The following RBFOX1 variants were observed in gnomAD, a reference collection of about 807,000 sequenced individuals.
RBFOX1 encodes RNA binding fox-1 homolog 1.
Under a neutral mutation model 57.7 loss-of-function variants are expected in RBFOX1, and 8 were observed. The observed-to-expected ratio is 0.14, with a 90% CI of 0.08 to 0.25. RBFOX1 has a LOEUF of 0.25. Ranked by LOEUF, RBFOX1 falls within the 10% of genes least tolerant of loss-of-function variation. RBFOX1 has a pLI of 1.00. For synonymous variants in RBFOX1, 326 were observed against 222.4 expected (o/e 1.47, Z -4.15); for missense variants, 611 against 548.5 (o/e 1.11, Z -1.14).
At chr16:5,500,834 C>A (rs965270387) in intron 2 of RBFOX1, among the ~76,000 whole-genome samples, 1 of 152,180 alleles carries the variant, frequency 6.6e-6, no homozygotes, top group Non-Finnish European at 1.5e-5. Flanking sequence ...CCTATACTTA[C>A]GAATTGCCTT....
intron 2 of RBFOX1, among the ~76,000 whole-genome samples, chr16:5,594,745 C>G (rs547053557): frequency 3.3e-5 from 5 of 152,240 alleles, no homozygotes; most frequent in Admixed American, 1.3e-4. Context: ...TGGCCCTAAA[C>G]AGTTCCTAGC....
intron 4 of RBFOX1, among the ~76,000 whole-genome samples, chr16:7,386,111 G>A (rs1018777003): frequency 1.3e-5 from 2 of 151,804 alleles, no homozygotes; most frequent in Admixed American, 6.6e-5. Flanking sequence ...TTTGCCACAC[G>A]CTAAACAAGG....
At chr16:7,617,472 G>A (rs1555675988) in intron 10 of RBFOX1, among the ~76,000 whole-genome samples, 1 of 152,096 alleles carries the variant, frequency 6.6e-6, no homozygotes, top group Non-Finnish European at 1.5e-5. Flanking sequence ...GAAGAGCTCA[G>A]CGGTAATAAA....
intron 2 of RBFOX1, among the ~76,000 whole-genome samples, chr16:6,557,596 C>G (rs994944902): frequency 1.3e-5 from 2 of 152,128 alleles, no homozygotes; most frequent in African/African-American, 4.8e-5. Context: ...TTGCCGAAGT[C>G]CTGTTGAAAG....
intron 1 of RBFOX1, among the ~76,000 whole-genome samples, chr16:5,361,413 G>A (rs539064): frequency 3.9e-5 from 6 of 152,088 alleles, no homozygotes; most frequent in South Asian, 2.1e-4. Context: ...GAAGGATAAA[G>A]CTTTGTTTTT....
intron 2 of RBFOX1, among the ~76,000 whole-genome samples, chr16:6,555,071 T>C (rs954536187): frequency 1.3e-5 from 2 of 152,314 alleles, no homozygotes; most frequent in African/African-American, 4.8e-5. Flanking sequence ...AGAAAAATTC[T>C]TGCACATGGA....
intron 2 of RBFOX1, among the ~76,000 whole-genome samples, chr16:6,503,157 T>C (rs752790696): frequency 1.3e-5 from 2 of 152,216 alleles, no homozygotes; most frequent in African/African-American, 2.4e-5. Context: ...GGTAGGAGCA[T>C]ACTACCAATT....
At chr16:7,439,543 A>G (rs2098749586) in intron 4 of RBFOX1, among the ~76,000 whole-genome samples, 1 of 152,166 alleles carries the variant, frequency 6.6e-6, no homozygotes, top group East Asian at 1.9e-4. Flanking sequence ...GAGATTTGCA[A>G]ATATCTCCCT....
chr16:5,565,351 C>T (rs868611069), intron 2 of RBFOX1, among the ~76,000 whole-genome samples: 5 of 152,074 alleles, frequency 3.3e-5, no homozygotes, highest in African/African-American at 1.2e-4. Flanking sequence ...CATGGCCGGG[C>T]GCAGTGGCTC....
intron 1 of RBFOX1, among the ~76,000 whole-genome samples, chr16:6,124,020 C>T (rs905717514): frequency 6.6e-6 from 1 of 152,182 alleles, no homozygotes; most frequent in South Asian, 2.1e-4. Context: ...GGTTCATTCC[C>T]TTCATGGGGG....
At chr16:7,176,173 C>T (rs753637906) in intron 4 of RBFOX1, among the ~76,000 whole-genome samples, 7 of 131,022 alleles carry the variant, frequency 5.3e-5, no homozygotes, top group Non-Finnish European at 9.6e-5. Flanking sequence ...GGACAGGCTC[C>T]TTAACTGTGT....
chr16:7,095,189 T>G (rs1417077464), intron 4 of RBFOX1, among the ~76,000 whole-genome samples: 1 of 152,094 alleles, frequency 6.6e-6, no homozygotes, highest in Non-Finnish European at 1.5e-5. Context: ...CACGCTGGAG[T>G]GCAGTGGCAC....
At chr16:6,277,454 C>G (rs1174376008) in intron 1 of RBFOX1, among the ~76,000 whole-genome samples, 1 of 30,688 alleles carries the variant, frequency 3.3e-5, no homozygotes. Flanking sequence ...AAGAGTCTGT[C>G]TCCCAAAAAA....
chr16:6,959,888 A>G (rs1366571096), intron 3 of RBFOX1, among the ~76,000 whole-genome samples: 1 of 152,122 alleles, frequency 6.6e-6, no homozygotes, highest in Non-Finnish European at 1.5e-5. Flanking sequence ...GTGAGCTGAG[A>G]TTGTGCCATT....
At chr16:6,917,575 A>C (rs554000722) in intron 3 of RBFOX1, among the ~76,000 whole-genome samples, 9 of 152,266 alleles carry the variant, frequency 5.9e-5, no homozygotes, top group Non-Finnish European at 1.2e-4. Context: ...CCTTCTTCTG[A>C]AATAAAAGTT....
chr16:5,950,370 G>A (rs1194953862), intron 4 of RBFOX1, among the ~76,000 whole-genome samples: 1 of 152,188 alleles, frequency 6.6e-6, no homozygotes, highest in Non-Finnish European at 1.5e-5. Flanking sequence ...TCACCCAGTG[G>A]TTTTTAGCAC....
intron 1 of RBFOX1, among the ~76,000 whole-genome samples, chr16:6,029,887 A>T (rs1238404848): frequency 6.6e-6 from 1 of 152,012 alleles, no homozygotes. Flanking sequence ...TGAAGAATTC[A>T]ACTCTCTAAT....
At chr16:6,750,415 G>A (rs934622120) in intron 3 of RBFOX1, among the ~76,000 whole-genome samples, 1 of 152,184 alleles carries the variant, frequency 6.6e-6, no homozygotes, top group Admixed American at 6.5e-5. Context: ...GCTGAAACCA[G>A]GGTGGCTCAG....
intron 3 of RBFOX1, among the ~76,000 whole-genome samples, chr16:6,838,869 G>T (rs1367256607): frequency 6.6e-6 from 1 of 151,740 alleles, no homozygotes; most frequent in Non-Finnish European, 1.5e-5. Flanking sequence ...ATCACACTGA[G>T]AATCTCACCC....
Sources: allele counts gnomAD v4.1 joint callset (sites outside exome capture counted in the v4.1 genomes callset), GRCh38; gene constraint gnomAD v4.1.1; transcripts MANE v1.5; gene names NCBI Gene and HGNC (gene_info 2026-07-23, HGNC 2026-07-21).